Variants in LHFPL6 observed in about 807,000 individuals in gnomAD.
The protein encoded by LHFPL6 is LHFPL tetraspan subfamily member 6 protein.
LHFPL6 carries 9 observed loss-of-function variants against 20.6 expected under a neutral mutation model. The observed-to-expected ratio is 0.44, with a 90% CI of 0.26 to 0.76. The LOEUF (loss-of-function observed/expected upper bound fraction) is 0.76, where lower values mean the gene tolerates loss of function less well. Among genes scored for constraint, LHFPL6 ranks in the 30% least tolerant of loss-of-function variants. LHFPL6 has a pLI of 0.20. For missense variants in LHFPL6, 218 were observed against 253.5 expected, an observed-to-expected ratio of 0.86 and a Z score of 0.95; for synonymous variants, 105 against 98.7, an observed-to-expected ratio of 1.06 and a Z score of -0.38.
At chr13:39,482,282 G>T (rs925287250) in intron 2 of LHFPL6, among the ~76,000 whole-genome samples, 10 of 151,956 alleles carry the variant, frequency 6.6e-5, no homozygotes, top group African/African-American at 2.4e-4. Flanking sequence ...CATCTCTACT[G>T]AAAATACAAA....
rs377267409 is a variant in LHFPL6, at chr13:39,500,197, AT to A, written c.385+100634del. On this transcript the variant is annotated intron_variant, in intron 2 of 3. Transcript: ENST00000379589. ...TTTATTTTATTGGGGTTGTTTGTTTATTTTTTTTGTTTGTTTTATTTTGAGA... is the reference window on the plus strand; with the variant it reads ...TTTATTTTATTGGGGTTGTTTGTTTATTTTTTTGTTTGTTTTATTTTGAGA... Among the ~76,000 whole-genome samples the A allele has an allele frequency of 4.3e-3, 649 of 150,996 alleles. 4 individuals are homozygous for A. Among genetic ancestry groups the A allele is most frequent in the African/African-American group, 0.015 (604 of 41,114 alleles).
intron 2 of LHFPL6, among the ~76,000 whole-genome samples, chr13:39,461,030 CTT>C (rs1872676098): frequency 1.3e-5 from 2 of 152,164 alleles, no homozygotes; most frequent in Admixed American, 1.3e-4. Context: ...TTGTTCCCCT[CTT>C]TGTGTCCATG....
At chr13:39,438,325 G>A (rs1268664013) in intron 2 of LHFPL6, among the ~76,000 whole-genome samples, 1 of 152,232 alleles carries the variant, frequency 6.6e-6, no homozygotes, top group Non-Finnish European at 1.5e-5. Flanking sequence ...AAGCATTCAA[G>A]ATGTGACCTG....
intron 2 of LHFPL6, among the ~76,000 whole-genome samples, chr13:39,450,966 A>G (rs1290191053): frequency 6.6e-6 from 1 of 152,226 alleles, no homozygotes; most frequent in Non-Finnish European, 1.5e-5. Flanking sequence ...AAGAGTTCAC[A>G]TATTAGGACC....
intron 2 of LHFPL6, among the ~76,000 whole-genome samples, chr13:39,589,242 G>C (rs1872536800): frequency 6.6e-6 from 1 of 152,070 alleles, no homozygotes; most frequent in African/African-American, 2.4e-5. Flanking sequence ...GAGTAGCCGA[G>C]ATTACAGGCG....
chr13:39,445,958 AC>A (rs1395606803), intron 2 of LHFPL6, among the ~76,000 whole-genome samples: 2 of 150,756 alleles, frequency 1.3e-5, no homozygotes, highest in African/African-American at 2.4e-5. Context: ...TTTTCTCTCC[AC>A]AAAAAAGAGC....
chr13:39,429,057 A>AC (rs1400002658), intron 2 of LHFPL6, among the ~76,000 whole-genome samples: 3 of 152,112 alleles, frequency 2.0e-5, no homozygotes, highest in Non-Finnish European at 4.4e-5. Context: ...ATTTACTGAG[A>AC]CTTGTTTTAT....
chr13:39,467,141 T>C (rs1162708559), intron 2 of LHFPL6, among the ~76,000 whole-genome samples: 1 of 152,168 alleles, frequency 6.6e-6, no homozygotes, highest in Non-Finnish European at 1.5e-5. Context: ...GTCCCCATCT[T>C]ACTGTTCCCC....
Position 39,577,316 on chromosome 13 carries a change from C to T in LHFPL6, c.385+23516G>A, listed in dbSNP as rs567931587. 4.6e-4 allele frequency among the ~76,000 whole-genome samples: 70 copies of T among 152,304 alleles called. 1 individual carries two copies. The South Asian group carries it at 0.014, about 30-fold the overall frequency. ...CACCCTAAGTGAGAAAGCAGTGTTC[C>T]TCCAAGGAAAATTGAAGTAGCAAGT... On this transcript the variant is annotated intron_variant, in intron 2 of 3. Transcript: ENST00000379589.
At chr13:39,456,829 CTCTGT>C (rs1872582969) in intron 2 of LHFPL6, among the ~76,000 whole-genome samples, 2 of 150,698 alleles carry the variant, frequency 1.3e-5, no homozygotes, top group Admixed American at 1.3e-4. Context: ...CAGAGTCTTG[CTCTGT>C]AGCCCAGGCT....
chr13:39,508,351 T>C (rs60891401), intron 2 of LHFPL6, among the ~76,000 whole-genome samples: 135 of 152,308 alleles, frequency 8.9e-4, no homozygotes, highest in African/African-American at 3.1e-3. Context: ...TACATTAACA[T>C]ACCTGAAGTA....
chr13:39,483,552 G>A (rs1264340522), intron 2 of LHFPL6, among the ~76,000 whole-genome samples: 4 of 150,598 alleles, frequency 2.7e-5, no homozygotes, highest in Non-Finnish European at 5.9e-5. Context: ...TCAGGCAAAG[G>A]GCATTCTAAT....
chr13:39,469,335 C>G (rs181938610), intron 2 of LHFPL6, among the ~76,000 whole-genome samples: 1 of 152,208 alleles, frequency 6.6e-6, no homozygotes, highest in South Asian at 2.1e-4. Flanking sequence ...CCTCTGCCAT[C>G]GGCAAACTGC....
In LHFPL6 at chr13:39,413,967, A is replaced by T. The variant is rs578165660; in HGVS notation, c.386-35441T>A. ...TTTGACTCAAATTTATGTTTACGAGACTCATCCATAGTGATGAGTATAATT... is the reference window on the plus strand; with the variant it reads ...TTTGACTCAAATTTATGTTTACGAGTCTCATCCATAGTGATGAGTATAATT... On this transcript the variant is annotated intron_variant, in intron 2 of 3. Transcript: ENST00000379589. 2.6e-5 allele frequency among the ~76,000 whole-genome samples: 4 copies of T among 152,224 alleles called. No homozygotes were observed. In the South Asian group the frequency reaches 8.3e-4, roughly 32 times the overall value.
intron 2 of LHFPL6, among the ~76,000 whole-genome samples, chr13:39,597,327 A>C (rs2138554414): frequency 6.6e-6 from 1 of 152,318 alleles, no homozygotes; most frequent in South Asian, 2.1e-4. Flanking sequence ...TACGCTTAAT[A>C]TGTCTTTACA....
chr13:39,531,345 T>C (rs777989986), intron 2 of LHFPL6, among the ~76,000 whole-genome samples: 2 of 152,128 alleles, frequency 1.3e-5, no homozygotes, highest in African/African-American at 2.4e-5. Context: ...AGCCTCATTG[T>C]CTCCCTGTAG....
intron 2 of LHFPL6, among the ~76,000 whole-genome samples, chr13:39,390,635 G>A (rs924736940): frequency 9.9e-5 from 15 of 152,108 alleles, no homozygotes; most frequent in East Asian, 1.9e-4. Flanking sequence ...TCCCCACTAC[G>A]CCATATAACC....
At chr13:39,601,737 A>G (rs1872955519) in intron 1 of LHFPL6, among the ~76,000 whole-genome samples, 1 of 152,252 alleles carries the variant, frequency 6.6e-6, no homozygotes, top group Admixed American at 6.5e-5. Flanking sequence ...AACAATTAAA[A>G]TAAAATGAAC....
At chr13:39,584,782 T>C (rs577617915) in intron 2 of LHFPL6, among the ~76,000 whole-genome samples, 87 of 152,052 alleles carry the variant, frequency 5.7e-4, no homozygotes, top group African/African-American at 2.0e-3. Flanking sequence ...TTCCAACATA[T>C]ACCAAACTGC....
Sources: allele counts gnomAD v4.1 joint callset (sites outside exome capture counted in the v4.1 genomes callset), GRCh38; gene constraint gnomAD v4.1.1; transcripts MANE v1.5; gene names NCBI Gene and HGNC (gene_info 2026-07-23, HGNC 2026-07-21).